The following EML5 variants were observed in gnomAD, a reference collection of about 807,000 sequenced individuals.
EML5 encodes EMAP like 5, also known as echinoderm microtubule-associated protein-like 5.
EML5 carries 120 observed loss-of-function variants against 250.0 expected under a neutral mutation model. The observed-to-expected ratio is 0.48, with a 90% confidence interval of 0.41 to 0.56. The LOEUF (loss-of-function observed/expected upper bound fraction) is 0.56. EML5 is among the 20% of genes least tolerant of loss of function. The probability of loss-of-function intolerance (pLI) is 0.00; values close to 1 mark genes in which losing one functional copy is unlikely to be tolerated. For missense variants in EML5, 2,006 were observed against 2,437.6 expected, an observed-to-expected ratio of 0.82 and a Z score of 3.73; for synonymous variants, 771 against 806.5, an observed-to-expected ratio of 0.96 and a Z score of 0.75.
chr14:88,714,826 G>T, intron 9 of EML5, 113 bp downstream of exon 9: 1 of 1,006,486 alleles, frequency 9.9e-7, no homozygotes, highest in Non-Finnish European at 1.4e-6. Context: ...TGAAATATTA[G>T]CTCAGATCTT....
chr14:88,678,568 T>C (rs1407285644), intron 21 of EML5, among the ~76,000 whole-genome samples: 3 of 152,244 alleles, frequency 2.0e-5, no homozygotes, highest in Non-Finnish European at 4.4e-5. Flanking sequence ...GTACTCATTA[T>C]AGTACTAGCT....
intron 31 of EML5, 68 bp from the exon 32 acceptor site, chr14:88,638,975 G>T: frequency 8.3e-7 from 1 of 1,206,858 alleles, no homozygotes; most frequent in South Asian, 1.4e-5. Flanking sequence ...CACTTACCCA[G>T]AACAATAAAC....
intron 33 of EML5, among the ~76,000 whole-genome samples, chr14:88,632,416 T>G (rs1044755080): frequency 3.9e-5 from 6 of 152,158 alleles, no homozygotes; most frequent in Non-Finnish European, 7.4e-5. Flanking sequence ...TGTCTAAAAT[T>G]CTCCAGTGAC....
intron 28 of EML5, 119 bp from the exon 29 acceptor site, chr14:88,647,074 CATA>C (rs1274014164): frequency 1.1e-6 from 1 of 910,236 alleles, no homozygotes; most frequent in Non-Finnish European, 1.6e-6. Flanking sequence ...AGCTATATTG[CATA>C]ATATTAAAGG....
At chr14:88,739,058 G>T in intron 5 of EML5, 44 bp from the exon 6 acceptor site, 1 of 1,542,020 alleles carries the variant, frequency 6.5e-7, no homozygotes, top group Non-Finnish European at 8.7e-7. Context: ...TATTTTTTAA[G>T]AACATCTACT....
intron 1 of EML5, among the ~76,000 whole-genome samples, chr14:88,768,355 G>A (rs74962314): frequency 2.6e-5 from 4 of 152,012 alleles, no homozygotes; most frequent in Non-Finnish European, 5.9e-5. Context: ...ACTAATTTTA[G>A]CAACTATTGG....
intron 1 of EML5, among the ~76,000 whole-genome samples, chr14:88,776,466 A>G (rs2094447838): frequency 6.6e-6 from 1 of 152,146 alleles, no homozygotes; most frequent in Admixed American, 6.6e-5. Flanking sequence ...GAAAAAATAC[A>G]ATTGACATAC....
At chr14:88,695,094 C>G (rs1756762966) in intron 16 of EML5, among the ~76,000 whole-genome samples, 1 of 151,950 alleles carries the variant, frequency 6.6e-6, no homozygotes, top group Non-Finnish European at 1.5e-5. Context: ...TACAGTAGAA[C>G]ACATTCTAAC....
intron 23 of EML5, among the ~76,000 whole-genome samples, chr14:88,663,587 C>G (rs1396482210): frequency 6.6e-6 from 1 of 152,084 alleles, no homozygotes; most frequent in Non-Finnish European, 1.5e-5. Context: ...TACAAACATA[C>G]TCATTAAGTT....
At chr14:88,733,365 C>G (rs1247125836) in intron 7 of EML5, among the ~76,000 whole-genome samples, 1 of 152,228 alleles carries the variant, frequency 6.6e-6, no homozygotes, top group Non-Finnish European at 1.5e-5. Flanking sequence ...CACAAATTGG[C>G]TGGATAGCTC....
chr14:88,719,591 T>C (rs1349799018), intron 8 of EML5, among the ~76,000 whole-genome samples: 2 of 152,166 alleles, frequency 1.3e-5, no homozygotes, highest in African/African-American at 4.8e-5. Context: ...TGTAGCTTAC[T>C]GTAAGTCAAA....
At chr14:88,643,338 A>T (rs1219806175) in intron 30 of EML5, among the ~76,000 whole-genome samples, 3 of 152,222 alleles carry the variant, frequency 2.0e-5, no homozygotes, top group Non-Finnish European at 2.9e-5. Context: ...GGCCTTACAT[A>T]TCCAAGAATT....
chr14:88,692,173 C>A (rs965309519), intron 17 of EML5, among the ~76,000 whole-genome samples: 1 of 152,012 alleles, frequency 6.6e-6, no homozygotes, highest in Non-Finnish European at 1.5e-5. Flanking sequence ...TCAGGGAGTT[C>A]GAGACCAGCC....
intron 33 of EML5, among the ~76,000 whole-genome samples, chr14:88,628,378 A>G (rs1263015175): frequency 6.6e-6 from 1 of 152,094 alleles, no homozygotes; most frequent in East Asian, 1.9e-4. Context: ...ATTTACTTAA[A>G]AAGGATTTCA....
At chr14:88,791,124 T>C (rs780221166) in intron 1 of EML5, among the ~76,000 whole-genome samples, 12 of 152,202 alleles carry the variant, frequency 7.9e-5, no homozygotes, top group Non-Finnish European at 1.6e-4. Flanking sequence ...TACCTCTGTT[T>C]GTCCTAGGCA....
intron 14 of EML5, among the ~76,000 whole-genome samples, chr14:88,699,987 C>T (rs1471002392): frequency 6.6e-6 from 1 of 152,116 alleles, no homozygotes; most frequent in African/African-American, 2.4e-5. Context: ...CACACACATA[C>T]ATATACACAC....
At chr14:88,624,067 T>A (rs1171532975) in intron 36 of EML5, 3 of 151,336 alleles carry the variant, frequency 2.0e-5, no homozygotes, top group Admixed American at 6.6e-5. Context: ...ATATGTCACA[T>A]TTTTTTTTGT....
intron 6 of EML5, 109 bp downstream of exon 6, chr14:88,738,770 A>G (rs1041110041): frequency 1.5e-5 from 19 of 1,305,796 alleles, no homozygotes; most frequent in Non-Finnish European, 1.9e-5. Flanking sequence ...AGGCAAATAT[A>G]AGTCTTATTT....
chr14:88,738,830 T>C, intron 6 of EML5, 49 bp downstream of exon 6: 1 of 1,522,942 alleles, frequency 6.6e-7, no homozygotes, highest in Non-Finnish European at 8.8e-7. Context: ...AGATAATCTT[T>C]GGGAAGTTTA....
Sources: gnomAD v4.1 joint callset for allele counts (sites outside exome capture counted in the v4.1 genomes callset) on GRCh38, gnomAD v4.1.1 for gene constraint, MANE v1.5 for transcripts, NCBI Gene and HGNC (gene_info 2026-07-23, HGNC 2026-07-21) for gene names.